HS3ST5: variants seen among roughly 807,000 people sequenced by gnomAD.
HS3ST5 encodes heparan sulfate glucosamine 3-O-sulfotransferase 5.
Under a neutral mutation model 25.4 loss-of-function variants are expected in HS3ST5, and 10 were observed. The ratio of observed to expected loss-of-function variants is 0.39; its 90% CI spans 0.24 to 0.67. The LOEUF is 0.67. Ranked by LOEUF, HS3ST5 falls within the 30% of genes least tolerant of loss-of-function variation. The probability of loss-of-function intolerance (pLI) is 0.44; values close to 1 mark genes in which losing one functional copy is unlikely to be tolerated. For synonymous variants in HS3ST5, 170 were observed against 162.4 expected (o/e 1.05, Z -0.36); for missense variants, 324 against 420.7 (o/e 0.77, Z 2.01).
intron 2 of HS3ST5, among the ~76,000 whole-genome samples, chr6:114,217,261 T>G (rs1437655411): frequency 6.6e-6 from 1 of 152,224 alleles, no homozygotes; most frequent in Non-Finnish European, 1.5e-5. Flanking sequence ...AGATCTTTTA[T>G]GTGGTTATGA....
intron 1 of HS3ST5, among the ~76,000 whole-genome samples, chr6:114,267,589 A>C (rs1478537538): frequency 6.6e-6 from 1 of 151,920 alleles, no homozygotes; most frequent in Non-Finnish European, 1.5e-5. Flanking sequence ...TAGCGTCTAG[A>C]GTTGGAGTAC....
At chr6:114,232,779 A>G (rs1582742367) in intron 1 of HS3ST5, among the ~76,000 whole-genome samples, 2 of 152,086 alleles carry the variant, frequency 1.3e-5, no homozygotes, top group Non-Finnish European at 2.9e-5. Context: ...ATAATTTTCA[A>G]ACCTACTTCA....
chr6:114,153,366 T>G (rs912615703), intron 3 of HS3ST5, among the ~76,000 whole-genome samples: 3 of 152,144 alleles, frequency 2.0e-5, no homozygotes. Context: ...TATTTACATG[T>G]TCTATTGGGA....
In HS3ST5 at chr6:114,285,354, C is replaced by T. The variant is rs1774292621; in HGVS notation, c.-338-56576G>A. 2.0e-5 allele frequency among the ~76,000 whole-genome samples: 3 copies of T among 151,834 alleles called. No homozygotes were observed. In the South Asian group the frequency reaches 6.2e-4, roughly 31 times the overall value. On this transcript the variant is annotated intron_variant, in intron 1 of 4. Transcript: ENST00000312719. Reference sequence around the variant, plus strand: ...AACTAATGGGCAGTAAGCTTGCTACCTGGGTGACAAAATAATCTATACAAC... The same window carrying T: ...AACTAATGGGCAGTAAGCTTGCTACTTGGGTGACAAAATAATCTATACAAC...
rs182344129 is a variant in HS3ST5 at position 114,122,624 on chromosome 6, A to C, written c.-33+45727T>G. On this transcript the variant is annotated intron_variant, in intron 3 of 4. Transcript: ENST00000312719. ...CTTGTTAATTCAAGATTGGAAGAGA[A>C]TAATTCACCTAGGATGTGAAACCTA... 4.1e-4 allele frequency among the ~76,000 whole-genome samples: 63 copies of C among 152,322 alleles called. No individual in the cohort carries two copies. In the East Asian group the frequency reaches 0.011, roughly 27 times the overall value.
At chr6:114,308,323 T>C (rs1291300596) in intron 1 of HS3ST5, among the ~76,000 whole-genome samples, 4 of 152,088 alleles carry the variant, frequency 2.6e-5, no homozygotes, top group Non-Finnish European at 5.9e-5. Flanking sequence ...CGGTGGCTCA[T>C]GCCTGCAATC....
intron 1 of HS3ST5, among the ~76,000 whole-genome samples, chr6:114,299,938 A>G (rs1582798707): frequency 6.6e-6 from 1 of 152,196 alleles, no homozygotes; most frequent in Non-Finnish European, 1.5e-5. Flanking sequence ...TAAAAAAAGG[A>G]CTTCCTGAAA....
At chr6:114,111,797 C>T (rs1776280231) in intron 3 of HS3ST5, among the ~76,000 whole-genome samples, 1 of 152,094 alleles carries the variant, frequency 6.6e-6, no homozygotes, top group South Asian at 2.1e-4. Flanking sequence ...TTTTCAGTTT[C>T]AAAACTCATA....
chr6:114,105,236 C>G (rs1437256052), intron 3 of HS3ST5, among the ~76,000 whole-genome samples: 1 of 152,174 alleles, frequency 6.6e-6, no homozygotes, highest in Non-Finnish European at 1.5e-5. Flanking sequence ...TATAATCCCT[C>G]CAAATCCTCC....
chr6:114,293,112 T>G (rs941230168), intron 1 of HS3ST5, among the ~76,000 whole-genome samples: 2 of 152,056 alleles, frequency 1.3e-5, no homozygotes, highest in Non-Finnish European at 1.5e-5. Flanking sequence ...TGCACTTAAC[T>G]CAACTCTTTG....
At chr6:114,272,403 G>T (rs1773673980) in intron 1 of HS3ST5, among the ~76,000 whole-genome samples, 1 of 152,124 alleles carries the variant, frequency 6.6e-6, no homozygotes, top group Non-Finnish European at 1.5e-5. Flanking sequence ...AACTTTGAAA[G>T]ATTATCTCCC....
chr6:114,337,636 T>A (rs1776660474), intron 1 of HS3ST5, among the ~76,000 whole-genome samples: 1 of 152,220 alleles, frequency 6.6e-6, no homozygotes, highest in Non-Finnish European at 1.5e-5. Context: ...TGGTTCAGGT[T>A]ATGTCACGGC....
At chr6:114,159,319 AC>A (rs903106506) in intron 3 of HS3ST5, among the ~76,000 whole-genome samples, 1 of 152,186 alleles carries the variant, frequency 6.6e-6, no homozygotes, top group Non-Finnish European at 1.5e-5. Flanking sequence ...TTTTTCAATA[AC>A]CCCAAACTAG....
At chr6:114,209,038 T>G (rs553887581) in intron 2 of HS3ST5, among the ~76,000 whole-genome samples, 1 of 152,286 alleles carries the variant, frequency 6.6e-6, no homozygotes, top group South Asian at 2.1e-4. Context: ...ATTGCTGGCA[T>G]GTAAAGAACA....
chr6:114,128,990 G>GA (rs1382677018), intron 3 of HS3ST5, among the ~76,000 whole-genome samples: 1 of 152,034 alleles, frequency 6.6e-6, no homozygotes, highest in African/African-American at 2.4e-5. Context: ...TCCAGGAAAA[G>GA]AAAAAGCCAA....
At chr6:114,195,676 T>C (rs1293468588) in intron 2 of HS3ST5, among the ~76,000 whole-genome samples, 2 of 152,120 alleles carry the variant, frequency 1.3e-5, no homozygotes, top group Non-Finnish European at 2.9e-5. Flanking sequence ...GGTAGATAAA[T>C]GGAAGAAATA....
chr6:114,246,270 C>G (rs945302735), intron 1 of HS3ST5, among the ~76,000 whole-genome samples: 4 of 152,176 alleles, frequency 2.6e-5, no homozygotes, highest in African/African-American at 9.7e-5. Context: ...TTCCATGAAC[C>G]AAATTACCCA....
intron 4 of HS3ST5, among the ~76,000 whole-genome samples, chr6:114,060,645 G>T (rs906027645): frequency 6.6e-6 from 1 of 152,106 alleles, no homozygotes; most frequent in African/African-American, 2.4e-5. Context: ...TTTTTTGTAG[G>T]ATTTAATTCT....
rs569656706 is a variant in HS3ST5 at position 114,102,022 on chromosome 6, G to A, written c.-32-39145C>T. Among the ~76,000 whole-genome samples, 4 of 152,264 alleles carry A rather than the reference G, an allele frequency of 2.6e-5. No homozygotes were observed. The East Asian group carries it at 7.7e-4, about 29-fold the overall frequency. ...ATTGAGTGCACTTGGACACAAAGATGAGAACAAGAGACACTGGGGCCTACT... is the reference window on the plus strand; with the variant it reads ...ATTGAGTGCACTTGGACACAAAGATAAGAACAAGAGACACTGGGGCCTACT... On this transcript the variant is annotated intron_variant, in intron 3 of 4. Transcript: ENST00000312719.
Sources: gnomAD v4.1 joint callset for allele counts (sites outside exome capture counted in the v4.1 genomes callset) on GRCh38, gnomAD v4.1.1 for gene constraint, MANE v1.5 for transcripts, NCBI Gene and HGNC (gene_info 2026-07-23, HGNC 2026-07-21) for gene names.